Variants in CNTNAP3B observed in about 807,000 individuals in gnomAD.
CNTNAP3B encodes contactin-associated protein-like 3B.
A neutral mutation model predicts 108.9 loss-of-function variants in CNTNAP3B; 25 were observed. The ratio of observed to expected loss-of-function variants is 0.23; its 90% CI spans 0.17 to 0.32. The LOEUF (loss-of-function observed/expected upper bound fraction) is 0.32. Among genes scored for constraint, CNTNAP3B ranks in the 10% least tolerant of loss-of-function variants. The pLI, the probability that CNTNAP3B is intolerant of heterozygous loss-of-function variation, is 1.00. For synonymous variants in CNTNAP3B, 103 were observed against 473.4 expected (o/e 0.22, Z 10.16); for missense variants, 252 against 1,210.4 (o/e 0.21, Z 11.75).
At chr9:41,962,799 C>CA (rs1282010140) in intron 11 of CNTNAP3B, among the ~76,000 whole-genome samples, 2 of 152,150 alleles carry the variant, frequency 1.3e-5, no homozygotes, top group African/African-American at 4.8e-5. Context: ...ACTAAAAATA[C>CA]AAAAAATTAG....
At chr9:42,070,709 TC>T in intron 3 of CNTNAP3B, among the ~76,000 whole-genome samples, 1 of 152,164 alleles carries the variant, frequency 6.6e-6, no homozygotes, top group Admixed American at 6.5e-5. Context: ...AGCTGCTGCC[TC>T]TGGGCTCAGT....
rs1316434141 is a variant in CNTNAP3B at position 42,066,224 on chromosome 9, T to C, written c.390+10645A>G. 5.1e-5 allele frequency among the ~76,000 whole-genome samples: 7 copies of C among 136,824 alleles called. No homozygotes were observed. In the East Asian group the frequency reaches 1.1e-3, roughly 22 times the overall value. 89.8% of individuals were successfully genotyped at this position (136,824 alleles called of 152,430 possible). ...TCTCCTTATATACCTCATAGTAATG[T>C]TTTAACCTTTCTTTTCCCATGTAGC... On this transcript the variant is annotated intron_variant, in intron 3 of 23. Transcript: ENST00000377561.
At chr9:41,957,943 T>C (rs563230145) in intron 12 of CNTNAP3B, among the ~76,000 whole-genome samples, 8 of 152,250 alleles carry the variant, frequency 5.3e-5, no homozygotes, top group Non-Finnish European at 1.5e-5. Context: ...TTTGTATTTT[T>C]AGTAGAGACA....
intron 10 of CNTNAP3B, 99 bp downstream of exon 10, chr9:41,969,975 C>G (rs1295655987): frequency 4.2e-6 from 6 of 1,424,734 alleles, no homozygotes; most frequent in Non-Finnish European, 5.6e-6. Flanking sequence ...AAGATAACAA[C>G]AACGAAAAAG....
chr9:41,969,091 G>A (rs1480676242), intron 10 of CNTNAP3B, among the ~76,000 whole-genome samples: 2 of 152,294 alleles, frequency 1.3e-5, no homozygotes, highest in African/African-American at 4.8e-5. Flanking sequence ...CCACCACGCT[G>A]GGCCAGATTA....
At position 42,077,059 on chromosome 9, in the gene CNTNAP3B, G is replaced by A. The variant is rs775999679; in HGVS notation, c.200C>T (p.Ala67Val). 131 of 1,538,518 alleles carry A rather than the reference G, an allele frequency of 8.5e-5. 20 individuals are homozygous for A. The South Asian group carries it at 1.1e-3, about 13-fold the overall frequency. Residue 67 changes from alanine (A) to valine (V), a missense_variant, in exon 3 of 24, where the codon GCT becomes GTT. Coordinates refer to ENST00000377561, the MANE Select transcript of CNTNAP3B (RefSeq NM_001201380.3). ...GFSRLNRRDG[A>V]GGWTPLVSNK... Reference sequence around the variant, plus strand: ...TGACACAAGTGGGGTCCAGCCACCAGCTCCTTTTTTGAAACAGAAAAAGTA... The same window carrying A: ...TGACACAAGTGGGGTCCAGCCACCAACTCCTTTTTTGAAACAGAAAAAGTA...
At chr9:41,948,195 G>A (rs1273178885) in intron 13 of CNTNAP3B, among the ~76,000 whole-genome samples, 22 of 146,920 alleles carry the variant, frequency 1.5e-4, no homozygotes, top group African/African-American at 5.0e-4. Context: ...AAGTTCAAGC[G>A]ATTCTCCTGC....
chr9:41,939,636 G>A (rs1339691423), intron 13 of CNTNAP3B, among the ~76,000 whole-genome samples: 11 of 152,218 alleles, frequency 7.2e-5, no homozygotes, highest in South Asian at 4.1e-4. Context: ...CACTCTTCTC[G>A]GAATGCCACT....
At chr9:42,029,465 G>C (rs1826473283) in intron 3 of CNTNAP3B, among the ~76,000 whole-genome samples, 1 of 118,586 alleles carries the variant, frequency 8.4e-6, no homozygotes, top group South Asian at 2.9e-4. Context: ...TTACCAGTCA[G>C]ATAACCCTTG....
At chr9:42,063,852 G>A (rs1225323648) in intron 3 of CNTNAP3B, among the ~76,000 whole-genome samples, 2 of 150,458 alleles carry the variant, frequency 1.3e-5, no homozygotes, top group Non-Finnish European at 2.9e-5. Context: ...CTCCCAAAGC[G>A]CTGACATTAT....
intron 13 of CNTNAP3B, among the ~76,000 whole-genome samples, chr9:41,938,759 G>T (rs1377180815): frequency 3.9e-5 from 6 of 152,268 alleles, no homozygotes; most frequent in African/African-American, 1.2e-4. Flanking sequence ...TTGAAATTAT[G>T]AAATGTTCAT....
chr9:41,972,946 T>G (rs1825448863), intron 9 of CNTNAP3B, among the ~76,000 whole-genome samples: 1 of 68,362 alleles, frequency 1.5e-5, no homozygotes, highest in Non-Finnish European at 3.2e-5. Flanking sequence ...CTTTTTTTTT[T>G]TTTTTTTTGA....
Position 41,951,188 on chromosome 9 carries a change from G to A in CNTNAP3B, c.2080+1995C>T, listed in dbSNP as rs143723715. Among the ~76,000 whole-genome samples, 420 of 146,978 alleles carry A rather than the reference G, an allele frequency of 2.9e-3. 1 individual carries two copies. The highest frequency in any genetic ancestry group is 7.9e-3 in the East Asian group (40 of 5,044). ...TGGGGGAACTGCTTAACGGCTATTC[G>A]GGTTCTCTCTGTTACTTCTCACAAG... On this transcript the variant is annotated intron_variant, in intron 13 of 23. Coordinates refer to ENST00000377561, the MANE Select transcript of CNTNAP3B (RefSeq NM_001201380.3).
At chr9:41,957,621 C>T (rs534516186) in intron 12 of CNTNAP3B, among the ~76,000 whole-genome samples, 2 of 150,108 alleles carry the variant, frequency 1.3e-5, no homozygotes, top group East Asian at 3.9e-4. Flanking sequence ...TTGCTGCTTA[C>T]ATTGTTCATC....
In CNTNAP3B at chr9:42,121,275, T is replaced by C. The variant is rs1309136660; in HGVS notation, c.85+7735A>G. ...TGACCAGCTCAATGACACCCCCTTT[T>C]GGTGGATTTTTCTTCTCTATTCCAT... On this transcript the variant is annotated intron_variant, in intron 1 of 23. Transcript: ENST00000377561. Among the ~76,000 whole-genome samples the C allele has an allele frequency of 1.4e-5, 2 of 138,932 alleles. 1 individual carries two copies. Among genetic ancestry groups the C allele is most frequent in the Non-Finnish European group, 3.1e-5 (2 of 64,890 alleles). The allele number at this position is 138,932 out of a possible 152,430, so 91.1% of individuals were successfully genotyped here.
intron 1 of CNTNAP3B, among the ~76,000 whole-genome samples, chr9:42,108,945 T>A (rs1035582896): frequency 5.0e-5 from 7 of 139,508 alleles, no homozygotes; most frequent in African/African-American, 2.0e-4. Context: ...GCTTCCTGTA[T>A]ACAAATCAAC....
intron 10 of CNTNAP3B, among the ~76,000 whole-genome samples, chr9:41,965,210 T>G (rs1825233227): frequency 6.6e-6 from 1 of 152,304 alleles, no homozygotes; most frequent in South Asian, 2.1e-4. Flanking sequence ...AATCCACAAA[T>G]TCAATACAAT....
Position 42,111,805 on chromosome 9 carries a change from A to G in CNTNAP3B, c.86-7066T>C, listed in dbSNP as rs1398103214. Among the ~76,000 whole-genome samples the G allele has an allele frequency of 2.9e-5, 4 of 137,996 alleles. 1 individual carries two copies. The highest frequency in any genetic ancestry group is 8.7e-5 in the African/African-American group (3 of 34,488). The allele number at this position is 137,996 out of a possible 152,430, so 90.5% of individuals were successfully genotyped here. The stretch of plus-strand genomic sequence containing the variant: ...CAGCTTTTCCATTATCATGATCATC[A>G]TCTCACTGTAGGTCCTCATGTTAAC... On this transcript the variant is annotated intron_variant, in intron 1 of 23. Transcript: ENST00000377561.
At position 42,119,351 on chromosome 9, in the gene CNTNAP3B, C is replaced by T. The variant is rs374947014; in HGVS notation, c.85+9659G>A. ...AAGAGGATACAAACAAATGGAAGAA[C>T]ATTCCATGCTCATGGGTAGGAAGAA... On this transcript the variant is annotated intron_variant, in intron 1 of 23. Transcript: ENST00000377561. Among the ~76,000 whole-genome samples, 3 of 132,576 alleles carry T rather than the reference C, an allele frequency of 2.3e-5. 1 individual carries two copies. The highest frequency in any genetic ancestry group is 3.2e-5 in the Non-Finnish European group (2 of 63,040). The allele number at this position is 132,576 out of a possible 152,430, so 87.0% of individuals were successfully genotyped here. A position where few individuals can be genotyped will look rare whatever the true frequency, so the allele number is the denominator to read the frequency against.
Sources: allele counts gnomAD v4.1 joint callset (sites outside exome capture counted in the v4.1 genomes callset), GRCh38; gene constraint gnomAD v4.1.1; transcripts MANE v1.5; gene names NCBI Gene and HGNC (gene_info 2026-07-23, HGNC 2026-07-21).